The following MAN2B1 variants were observed in gnomAD, a reference collection of about 807,000 sequenced individuals.
MAN2B1 encodes the protein mannosidase alpha class 2B member 1.
MAN2B1 carries 99 observed loss-of-function variants against 127.5 expected under a neutral mutation model. The ratio of observed to expected loss-of-function variants is 0.78; its 90% CI spans 0.66 to 0.92. MAN2B1 has a LOEUF of 0.92. MAN2B1 is among the 40% of genes least tolerant of loss of function. The pLI, the probability that MAN2B1 is intolerant of heterozygous loss-of-function variation, is 0.00. For missense variants in MAN2B1, 1,304 were observed against 1,384.8 expected, an observed-to-expected ratio of 0.94 and a Z score of 0.93; for synonymous variants, 573 against 568.8, an observed-to-expected ratio of 1.01 and a Z score of -0.11.
intron 8 of MAN2B1, 27 bp downstream of exon 8, chr19:12,658,401 C>A: frequency 6.2e-7 from 1 of 1,614,230 alleles, no homozygotes; most frequent in Non-Finnish European, 8.5e-7. Flanking sequence ...TGCCAACCCC[C>A]CCAAGCTCCC....
In MAN2B1 at chr19:12,664,983, G is replaced by GC. The variant is rs1160557969; in HGVS notation, c.438dup (p.Arg147AlafsTer14). 9 of 1,613,120 alleles carry GC rather than the reference G, an allele frequency of 5.6e-6. No homozygotes were observed. Among genetic ancestry groups the GC allele is most frequent in the Non-Finnish European group, 7.6e-6 (9 of 1,179,952 alleles). On this transcript the variant is annotated frameshift_variant and splice_region_variant, in exon 4 of 24. Coordinates refer to ENST00000456935, the MANE Select transcript of MAN2B1 (RefSeq NM_000528.4). LOFTEE classifies it high-confidence loss of function. ...CAGCCACCATTGGCGAACTCCAGGCGCCCTGTGCCAGGACAGGCAAGGTCA... is the reference window on the plus strand; with the variant it reads ...CAGCCACCATTGGCGAACTCCAGGCGCCCCTGTGCCAGGACAGGCAAGGTCA...
At chr19:12,650,592 T>C (rs987457783) in intron 16 of MAN2B1, among the ~76,000 whole-genome samples, 1 of 151,894 alleles carries the variant, frequency 6.6e-6, no homozygotes. Flanking sequence ...TCTCCTGACC[T>C]CGTGATCAGC....
At chr19:12,654,302 A>C (rs1377407930) in intron 14 of MAN2B1, among the ~76,000 whole-genome samples, 1 of 152,026 alleles carries the variant, frequency 6.6e-6, no homozygotes, top group African/African-American at 2.4e-5. Flanking sequence ...TCGGCCTCCC[A>C]AAGTGCTGGG....
chr19:12,655,644 A>T, intron 14 of MAN2B1, 50 bp downstream of exon 14: 2 of 1,574,036 alleles, frequency 1.3e-6, no homozygotes, highest in Non-Finnish European at 1.7e-6. Flanking sequence ...TCACCATGAC[A>T]CTTCAAATTT....
rs759163329 is a variant in MAN2B1 at position 12,647,604 on chromosome 19, GGAGA to G, written c.2665-10_2665-7del. ...TCCCTGCGCAGCCCTGAGAACTGCG[GGAGA>G]GAGGGCGGGGCTGAGTTGGAGAGGG... On this transcript the variant is annotated splice_region_variant and splice_polypyrimidine_tract_variant and intron_variant, in intron 21 of 23. Transcript: ENST00000456935. This position sits in a 1 kb window ranked among gnomAD's most constrained non-coding sequence, Gnocchi z 4.9. The G allele has an allele frequency of 1.2e-6, 2 of 1,610,946 alleles. No individual in the cohort carries two copies. Among genetic ancestry groups the G allele is most frequent in the Non-Finnish European group, 8.5e-7 (1 of 1,177,996 alleles).
intron 18 of MAN2B1, 26 bp downstream of exon 18, chr19:12,649,887 C>G: frequency 1.3e-6 from 2 of 1,580,710 alleles, no homozygotes; most frequent in Non-Finnish European, 8.7e-7. Context: ...CAGACCACCC[C>G]CTCAGTGCTC....
intron 10 of MAN2B1, 141 bp from the exon 11 acceptor site, chr19:12,657,696 C>T (rs2024002291): frequency 5.3e-6 from 4 of 761,400 alleles, no homozygotes; most frequent in Non-Finnish European, 6.9e-6. Context: ...CGGTGGCTCA[C>T]GCCTGTAATC....
chr19:12,655,972 T>C (rs1331470268), intron 13 of MAN2B1, 93 bp from the exon 14 acceptor site: 3 of 983,048 alleles, frequency 3.1e-6, no homozygotes, highest in Admixed American at 3.9e-5. Flanking sequence ...AAAAGAGTCC[T>C]GAGATGGGGA....
intron 14 of MAN2B1, among the ~76,000 whole-genome samples, chr19:12,653,290 G>T (rs1448688234): frequency 1.3e-5 from 2 of 151,806 alleles, no homozygotes; most frequent in Non-Finnish European, 2.9e-5. Flanking sequence ...GGGACTACAG[G>T]CACATGCCAC....
In MAN2B1 at chr19:12,655,862, G is replaced by A. The variant is rs755140505; in HGVS notation, c.1662C>T (p.Ser554=). Residue 554 remains serine, a synonymous_variant, in exon 14 of 24, where the codon AGC becomes AGT. Coordinates refer to ENST00000456935, the MANE Select transcript of MAN2B1 (RefSeq NM_000528.4). ...TVPSDVVIFP[S]SDSQAHPPEL... is the part of the protein sequence containing the mutation. ...CCGGAGGGTGCGCCTGGCTGTCTGA[G>A]CTGGGAAATATTACCACCTCGGATA... 2 of 1,613,808 alleles carry A rather than the reference G, an allele frequency of 1.2e-6. No individual in the cohort carries two copies. The highest frequency in any genetic ancestry group is 1.7e-6 in the Non-Finnish European group (2 of 1,180,000).
intron 14 of MAN2B1, 77 bp from the exon 15 acceptor site, chr19:12,652,537 T>TG: frequency 1.9e-6 from 1 of 522,070 alleles, no homozygotes; most frequent in Non-Finnish European, 2.8e-6. Context: ...TTCTTTTTTC[T>TG]TTTTTTTTTT....
At position 12,657,027 on chromosome 19, in the gene MAN2B1, G is replaced by C. The variant is rs761956488; in HGVS notation, c.1449C>G (p.Leu483=). ...AGGTGAAGTGATCTTTGAAGCCTCT[G>C]AGCCGCGCCAGCGCGTTGCTCAGAA... ...EVLLSNALAR[L]RGFKDHFTFC... Residue 483 remains leucine (L), a synonymous_variant, in exon 12 of 24, where the codon CTC becomes CTG. Transcript: ENST00000456935. The C allele has an allele frequency of 2.5e-6, 4 of 1,612,998 alleles. No individual in the cohort carries two copies.
Position 12,663,799 on chromosome 19 carries a change from A to G in MAN2B1, c.667T>C (p.Tyr223His). The G allele has an allele frequency of 6.2e-7, 1 of 1,614,196 alleles. No homozygotes were observed. The highest frequency in any genetic ancestry group is 1.7e-5 in the Admixed American group (1 of 60,026). Residue 223 changes from tyrosine (Y) to histidine (H), a missense_variant, in exon 5 of 24, where the codon TAT becomes CAT. Tyr to His is a moderately conservative substitution (Grantham distance 83, BLOSUM62 2). Transcript: ENST00000456935. ...TGCATCCGTACCCACTTATCTTGAT[A>G]ATCAAGGCGCCCAAAGAAGAAGCCG... Reference protein sequence around the residue: ...FDGFFFGRLDYQDKWVRMQKL... With the variant: ...FDGFFFGRLDHQDKWVRMQKL...
intron 3 of MAN2B1, 91 bp from the exon 4 acceptor site, chr19:12,665,076 G>T: frequency 7.8e-7 from 1 of 1,276,206 alleles, no homozygotes; most frequent in African/African-American, 1.5e-5. Context: ...GCCTGCCTGT[G>T]TACACATTTC....
Position 12,647,283 on chromosome 19 carries a change from G to A in MAN2B1, c.2873C>T (p.Ala958Val). The change falls in exon 23 of 24, where the codon GCC (alanine) becomes GTC (valine). Residue 958 changes from alanine (A) to valine (V), a missense_variant. By Grantham distance (64) the Ala-to-Val change is moderately conservative. Transcript: ENST00000456935. This position sits in a 1 kb window ranked among gnomAD's most constrained non-coding sequence, Gnocchi z 4.9. ...ITRLQETTLVANQLREAASRL... is the reference protein window; with the variant it reads ...ITRLQETTLVVNQLREAASRL... ...GGAGGCTGCCTCGCGGAGCTGGTTG[G>A]CCACCAGCGTGGTCTCCTGCAGGCG... The A allele has an allele frequency of 6.2e-7, 1 of 1,614,114 alleles. No homozygotes were observed. Among genetic ancestry groups the A allele is most frequent in the Non-Finnish European group, 8.5e-7 (1 of 1,180,022 alleles).
In MAN2B1 at chr19:12,652,165, G is replaced by A. The variant is rs546913005; in HGVS notation, c.2034C>T (p.Ile678=). The A allele has an allele frequency of 6.2e-7, 1 of 1,613,530 alleles. No individual in the cohort carries two copies. The change falls in exon 16 of 24, where the codon ATC becomes ATT. Residue 678 remains isoleucine, a synonymous_variant. Transcript: ENST00000456935. Reference sequence around the variant, plus strand: ...CCTAGTCCCTGACCTTCACCAGGTGGATCTGAGCCCAGCGGCTCACAGGCA... The same window carrying A: ...CCTAGTCCCTGACCTTCACCAGGTGAATCTGAGCCCAGCGGCTCACAGGCA... ...KPLPVSRWAQ[I]HLVKTPLVQE...
In MAN2B1 at chr19:12,664,902, G is replaced by A. The variant is rs267605291; in HGVS notation, c.520C>T (p.Leu174Phe). 3 of 1,614,216 alleles carry A rather than the reference G, an allele frequency of 1.9e-6. No individual in the cohort carries two copies. The highest frequency in any genetic ancestry group is 2.5e-6 in the Non-Finnish European group (3 of 1,180,030). The stretch of plus-strand genomic sequence containing the variant: ...GTGTCCTCCAGAAAGCGCAGCCCAA[G>A]TGTCATCTGGTCCACGATGGCACCG... ...HYGAIVDQMT[L>F]GLRFLEDTFG... Residue 174 changes from leucine (L) to phenylalanine (F), a missense_variant, in exon 4 of 24, where the codon CTT becomes TTT. Leu to Phe is a conservative substitution (Grantham distance 22). Coordinates refer to ENST00000456935, the MANE Select transcript of MAN2B1 (RefSeq NM_000528.4).
rs2024097470 is a variant in MAN2B1 at position 12,661,281 on chromosome 19, G to A, written c.1005C>T (p.Leu335=). 3 of 1,613,778 alleles carry A rather than the reference G, an allele frequency of 1.9e-6. No individual in the cohort carries two copies. The highest frequency in any genetic ancestry group is 2.5e-6 in the Non-Finnish European group (3 of 1,179,690). The part of the protein sequence containing the change: ...ANMWFKNLDK[L]IRLVNAQQAK... ...TGACCTGCGCATTTACCAGCCGGAT[G>A]AGCTTGTCAAGGTTCTTGAACCACA... Residue 335 remains leucine (L), a synonymous_variant, in exon 7 of 24, where the codon CTC becomes CTT. Coordinates refer to ENST00000456935, the MANE Select transcript of MAN2B1 (RefSeq NM_000528.4).
intron 7 of MAN2B1, 90 bp downstream of exon 7, chr19:12,661,168 CAA>C (rs2024093274): frequency 1.1e-6 from 1 of 872,676 alleles, no homozygotes. Context: ...CAATAGAAAA[CAA>C]AGACAGCACT....
Sources: gnomAD v4.1 joint callset for allele counts (sites outside exome capture counted in the v4.1 genomes callset) on GRCh38, gnomAD v4.1.1 for gene constraint, Gnocchi (gnomAD v3.1) non-coding constraint, MANE v1.5 for transcripts, NCBI Gene and HGNC (gene_info 2026-07-23, HGNC 2026-07-21) for gene names.